The following ZBTB20 variants were observed in gnomAD, a reference collection of about 807,000 sequenced individuals.
The protein encoded by ZBTB20 is zinc finger and BTB domain-containing protein 20.
ZBTB20 carries 9 observed loss-of-function variants against 56.9 expected under a neutral mutation model. The ratio of observed to expected loss-of-function variants is 0.16; its 90% CI spans 0.10 to 0.28. The LOEUF (loss-of-function observed/expected upper bound fraction) is 0.28, where lower values mean the gene tolerates loss of function less well. ZBTB20 is among the 10% of genes least tolerant of loss of function. The pLI, the probability that ZBTB20 is intolerant of heterozygous loss-of-function variation, is 1.00. For missense variants in ZBTB20, 655 were observed against 1,003.0 expected, an observed-to-expected ratio of 0.65 and a Z score of 4.69; for synonymous variants, 417 against 420.7, an observed-to-expected ratio of 0.99 and a Z score of 0.11.
chr3:114,375,061 A>C (rs952005647), intron 10 of ZBTB20, among the ~76,000 whole-genome samples: 2 of 152,258 alleles, frequency 1.3e-5, no homozygotes, highest in African/African-American at 4.8e-5. Context: ...GTAAAACTGA[A>C]GTATTTTTCT....
intron 7 of ZBTB20, among the ~76,000 whole-genome samples, chr3:114,457,353 G>A (rs1423464137): frequency 6.6e-6 from 1 of 152,190 alleles, no homozygotes; most frequent in Non-Finnish European, 1.5e-5. Context: ...TTACACGGTA[G>A]TTATTATGGA....
intron 4 of ZBTB20, among the ~76,000 whole-genome samples, chr3:114,863,721 T>C (rs2075638863): frequency 6.6e-6 from 1 of 152,120 alleles, no homozygotes; most frequent in South Asian, 2.1e-4. Flanking sequence ...AGAGGTTCTG[T>C]TACTTGAAGG....
At chr3:114,392,383 T>C (rs1209748534) in intron 7 of ZBTB20, among the ~76,000 whole-genome samples, 1 of 152,200 alleles carries the variant, frequency 6.6e-6, no homozygotes, top group South Asian at 2.1e-4. Flanking sequence ...AAACATCTCA[T>C]GTACCCCAGA....
intron 1 of ZBTB20, among the ~76,000 whole-genome samples, chr3:115,124,284 T>G (rs950594296): frequency 6.6e-6 from 1 of 152,190 alleles, no homozygotes; most frequent in African/African-American, 2.4e-5. Flanking sequence ...GTATTCCAAT[T>G]GAATTAGTTT....
chr3:114,661,483 A>C (rs2060719585), intron 6 of ZBTB20, among the ~76,000 whole-genome samples: 1 of 152,096 alleles, frequency 6.6e-6, no homozygotes, highest in Middle Eastern at 3.2e-3. Context: ...CATTATTTTC[A>C]AGCTGGATTT....
intron 4 of ZBTB20, among the ~76,000 whole-genome samples, chr3:114,860,488 A>T (rs1441411464): frequency 6.6e-6 from 1 of 152,206 alleles, no homozygotes; most frequent in East Asian, 1.9e-4. Context: ...AAGAAGTGTC[A>T]GCATTACCAG....
chr3:114,358,079 T>C (rs1249649590), intron 10 of ZBTB20, among the ~76,000 whole-genome samples: 1 of 152,196 alleles, frequency 6.6e-6, no homozygotes, highest in Non-Finnish European at 1.5e-5. Context: ...ACAGAAGAAT[T>C]AGAAAACACC....
intron 7 of ZBTB20, among the ~76,000 whole-genome samples, chr3:114,399,444 C>A (rs2086624661): frequency 6.6e-6 from 1 of 152,116 alleles, no homozygotes; most frequent in Non-Finnish European, 1.5e-5. Context: ...ATATAAAATT[C>A]TGTGTCCGTC....
rs1023604386 is a variant in ZBTB20, at chr3:114,329,957, A to G, written c.*9048T>C. The G allele has an allele frequency of 6.6e-6, 1 of 152,220 alleles. No homozygotes were observed. The highest frequency in any genetic ancestry group is 2.4e-5 in the African/African-American group (1 of 41,464). The allele number at this position is 152,220 out of a possible 1,614,324, so 9.4% of individuals were successfully genotyped here. On this transcript the variant is annotated 3_prime_UTR_variant, in exon 12 of 12. Transcript: ENST00000675478. Reference sequence around the variant, plus strand: ...GCAGCCTGTTATTGTTGGTCAGATCATGTGGCACTTAAGTAGCCCCTTGGT... The same window carrying G: ...GCAGCCTGTTATTGTTGGTCAGATCGTGTGGCACTTAAGTAGCCCCTTGGT...
chr3:115,089,481 T>C (rs1262217477), intron 1 of ZBTB20, among the ~76,000 whole-genome samples: 2 of 151,814 alleles, frequency 1.3e-5, no homozygotes, highest in African/African-American at 4.8e-5. Flanking sequence ...AATAGAAAAA[T>C]TTTTTCAAAA....
At chr3:114,655,263 T>TTTTTTTG (rs2060340174) in intron 6 of ZBTB20, among the ~76,000 whole-genome samples, 2 of 144,298 alleles carry the variant, frequency 1.4e-5, no homozygotes, top group Admixed American at 6.9e-5. Context: ...TTTTTTTTTT[T>TTTTTTTG]GAGACGGAGT....
At chr3:114,498,379 A>C (rs1019156514) in intron 7 of ZBTB20, among the ~76,000 whole-genome samples, 1 of 152,170 alleles carries the variant, frequency 6.6e-6, no homozygotes, top group Non-Finnish European at 1.5e-5. Context: ...ACCTGTTTAG[A>C]GGAGGCCATT....
At chr3:114,578,412 G>C (rs991551123) in intron 6 of ZBTB20, among the ~76,000 whole-genome samples, 5 of 151,834 alleles carry the variant, frequency 3.3e-5, no homozygotes, top group Non-Finnish European at 5.9e-5. Flanking sequence ...ATAAAGAAAA[G>C]GATAATAGCT....
intron 5 of ZBTB20, among the ~76,000 whole-genome samples, chr3:114,748,140 G>A (rs1056004291): frequency 6.6e-6 from 1 of 152,108 alleles, no homozygotes; most frequent in Non-Finnish European, 1.5e-5. Flanking sequence ...ACCAGAGGAA[G>A]GGTGAACATG....
intron 6 of ZBTB20, among the ~76,000 whole-genome samples, chr3:114,549,158 T>G (rs1049955089): frequency 3.0e-4 from 46 of 152,348 alleles, no homozygotes; most frequent in African/African-American, 1.1e-3. Flanking sequence ...GACATTTCAC[T>G]AAATATCTAA....
intron 10 of ZBTB20, chr3:114,357,339 T>A (rs1307943010): frequency 1.3e-5 from 2 of 152,222 alleles, no homozygotes; most frequent in Admixed American, 1.3e-4. Context: ...TGGCTACCTA[T>A]GAAAGTTGGG....
chr3:115,006,840 A>G (rs1260936082), intron 2 of ZBTB20, among the ~76,000 whole-genome samples: 1 of 151,762 alleles, frequency 6.6e-6, no homozygotes, highest in Non-Finnish European at 1.5e-5. Context: ...ATACATTCCA[A>G]GTTTCTGCTG....
At chr3:114,991,620 C>A (rs1358415927) in intron 2 of ZBTB20, among the ~76,000 whole-genome samples, 3 of 152,036 alleles carry the variant, frequency 2.0e-5, no homozygotes, top group Non-Finnish European at 4.4e-5. Context: ...TCTATTAGGT[C>A]TGCTTGGTGC....
chr3:114,859,242 T>G (rs1445435739), intron 4 of ZBTB20, among the ~76,000 whole-genome samples: 5 of 149,092 alleles, frequency 3.4e-5, no homozygotes, highest in African/African-American at 1.2e-4. Context: ...TTTCCTTCCT[T>G]TCTTCTTTCT....
Sources: allele counts gnomAD v4.1 joint callset (sites outside exome capture counted in the v4.1 genomes callset), GRCh38; gene constraint gnomAD v4.1.1; transcripts MANE v1.5; gene names NCBI Gene and HGNC (gene_info 2026-07-23, HGNC 2026-07-21).